NAALADL2: variants seen among roughly 807,000 people sequenced by gnomAD.
NAALADL2 encodes inactive N-acetylated-alpha-linked acidic dipeptidase-like protein 2.
A neutral mutation model predicts 87.2 loss-of-function variants in NAALADL2; 76 were observed. The ratio of observed to expected loss-of-function variants is 0.87; its 90% CI spans 0.72 to 1.05. The LOEUF (loss-of-function observed/expected upper bound fraction) is 1.05. Among genes scored for constraint, NAALADL2 ranks in the 50% least tolerant of loss-of-function variants. The pLI, the probability that NAALADL2 is intolerant of heterozygous loss-of-function variation, is 0.00. For missense variants in NAALADL2, 1,089 were observed against 945.8 expected (o/e 1.15, Z -1.99); for synonymous variants, 354 against 331.0 (o/e 1.07, Z -0.75).
At chr3:174,753,369 C>G (rs547977848) in intron 3 of NAALADL2, among the ~76,000 whole-genome samples, 21 of 152,304 alleles carry the variant, frequency 1.4e-4, no homozygotes, top group African/African-American at 5.1e-4. Flanking sequence ...AGCCACTGCT[C>G]CTGGTGATCC....
intron 2 of NAALADL2, among the ~76,000 whole-genome samples, chr3:175,186,608 T>C (rs898134453): frequency 2.6e-5 from 4 of 152,118 alleles, no homozygotes; most frequent in African/African-American, 9.7e-5. Context: ...CTTTGTTAAA[T>C]ATAGCTTGCT....
intron 9 of NAALADL2, among the ~76,000 whole-genome samples, chr3:175,478,281 G>C (rs1582058182): frequency 6.6e-6 from 1 of 151,858 alleles, no homozygotes; most frequent in Non-Finnish European, 1.5e-5. Context: ...CTAATGAACT[G>C]ATTTAAAACC....
intron 1 of NAALADL2, among the ~76,000 whole-genome samples, chr3:175,003,914 C>T (rs1008116135): frequency 6.6e-6 from 1 of 152,098 alleles, no homozygotes; most frequent in African/African-American, 2.4e-5. Context: ...AAAGAGACTT[C>T]GAAGACAGAA....
At chr3:174,761,608 T>C (rs1043794858) in intron 3 of NAALADL2, among the ~76,000 whole-genome samples, 1 of 152,174 alleles carries the variant, frequency 6.6e-6, no homozygotes, top group Admixed American at 6.5e-5. Flanking sequence ...GCAATTACTT[T>C]TTAAGAAAAA....
intron 1 of NAALADL2, among the ~76,000 whole-genome samples, chr3:174,906,843 A>G (rs1417113979): frequency 1.3e-5 from 2 of 152,160 alleles, no homozygotes; most frequent in African/African-American, 4.8e-5. Flanking sequence ...AGATAACAAT[A>G]CAGAAACCAA....
At chr3:174,633,627 C>A (rs932272914) in intron 2 of NAALADL2, among the ~76,000 whole-genome samples, 1 of 152,174 alleles carries the variant, frequency 6.6e-6, no homozygotes, top group Non-Finnish European at 1.5e-5. Context: ...TTATTTAAGG[C>A]AAGGTAATAG....
At chr3:174,693,849 A>G (rs1447845597) in intron 2 of NAALADL2, among the ~76,000 whole-genome samples, 1 of 152,132 alleles carries the variant, frequency 6.6e-6, no homozygotes, top group Non-Finnish European at 1.5e-5. Context: ...CTAGTCACAG[A>G]TCATTTAGCT....
chr3:174,762,613 G>A (rs943253578), intron 3 of NAALADL2, among the ~76,000 whole-genome samples: 2 of 152,004 alleles, frequency 1.3e-5, no homozygotes, highest in African/African-American at 4.8e-5. Context: ...TGAAATACTT[G>A]GAATTTCAGA....
At chr3:174,506,112 A>G (rs2108378952) in intron 1 of NAALADL2, among the ~76,000 whole-genome samples, 1 of 152,160 alleles carries the variant, frequency 6.6e-6, no homozygotes, top group African/African-American at 2.4e-5. Flanking sequence ...GTTTACTCTG[A>G]AGATATAATC....
intron 3 of NAALADL2, among the ~76,000 whole-genome samples, chr3:174,753,248 G>A (rs1711512652): frequency 6.6e-6 from 1 of 151,960 alleles, no homozygotes; most frequent in Non-Finnish European, 1.5e-5. Flanking sequence ...TAATTTTTTT[G>A]TATTTTTATT....
At chr3:175,657,413 T>A (rs1327954664) in intron 11 of NAALADL2, among the ~76,000 whole-genome samples, 1 of 152,130 alleles carries the variant, frequency 6.6e-6, no homozygotes, top group Non-Finnish European at 1.5e-5. Flanking sequence ...AATCATTTTT[T>A]ATTGCTTATT....
At chr3:174,571,251 G>A (rs1023631471) in intron 2 of NAALADL2, among the ~76,000 whole-genome samples, 3 of 152,108 alleles carry the variant, frequency 2.0e-5, no homozygotes, top group Admixed American at 1.3e-4. Context: ...AAAAATTGGG[G>A]TAAACTAAAA....
chr3:175,500,076 G>A (rs374792457), intron 9 of NAALADL2, among the ~76,000 whole-genome samples: 22 of 151,926 alleles, frequency 1.4e-4, no homozygotes, highest in Admixed American at 9.8e-4. Flanking sequence ...AATAAATACC[G>A]AATGACTACC....
At chr3:175,376,846 T>G (rs1366078824) in intron 5 of NAALADL2, among the ~76,000 whole-genome samples, 1 of 152,198 alleles carries the variant, frequency 6.6e-6, no homozygotes, top group Admixed American at 6.6e-5. Flanking sequence ...GTTGTTTCTG[T>G]TACTATGACT....
At chr3:175,017,350 A>G (rs1304956262) in intron 1 of NAALADL2, among the ~76,000 whole-genome samples, 1 of 152,124 alleles carries the variant, frequency 6.6e-6, no homozygotes, top group Non-Finnish European at 1.5e-5. Flanking sequence ...GAATCTTCAC[A>G]ACCATCCTTC....
rs1030583627 is a variant in NAALADL2 at position 174,940,189 on chromosome 3, G to C, written c.43+80739G>C. ...CTATTACTTGGAGGCATGTTCCTTC[G>C]ATATAGTTTATTGAGAGTTTATAAC... On this transcript the variant is annotated intron_variant, in intron 1 of 13. Transcript: ENST00000454872. Among the ~76,000 whole-genome samples the C allele has an allele frequency of 2.0e-5, 3 of 152,016 alleles. No homozygotes were observed. In the East Asian group the frequency reaches 5.8e-4, roughly 29 times the overall value.
intron 8 of NAALADL2, among the ~76,000 whole-genome samples, chr3:175,468,874 A>G (rs1724473234): frequency 6.6e-6 from 1 of 152,000 alleles, no homozygotes; most frequent in African/African-American, 2.4e-5. Flanking sequence ...AAGTAAGTTG[A>G]TATTTTTGTG....
chr3:174,870,360 G>A (rs1373044878), intron 1 of NAALADL2, among the ~76,000 whole-genome samples: 3 of 152,044 alleles, frequency 2.0e-5, no homozygotes, highest in East Asian at 3.9e-4. Flanking sequence ...TATATTCTGT[G>A]TAACATTAGG....
intron 1 of NAALADL2, among the ~76,000 whole-genome samples, chr3:174,915,205 G>T: frequency 6.6e-6 from 1 of 152,078 alleles, no homozygotes; most frequent in African/African-American, 2.4e-5. Context: ...GAGTGTGGGT[G>T]GGGAGGTGCA....
Sources: allele counts gnomAD v4.1 joint callset (sites outside exome capture counted in the v4.1 genomes callset), GRCh38; gene constraint gnomAD v4.1.1; transcripts MANE v1.5; gene names NCBI Gene and HGNC (gene_info 2026-07-23, HGNC 2026-07-21).